The following BATF2 variants were observed in gnomAD, a reference collection of about 807,000 sequenced individuals.
The protein encoded by BATF2 is basic leucine zipper ATF-like transcription factor 2, also known as basic leucine zipper transcriptional factor ATF-like 2.
Under a neutral mutation model 7.3 loss-of-function variants are expected in BATF2, and 4 were observed. That is an observed-to-expected ratio of 0.55 (90% CI 0.27 to 1.26). The LOEUF (loss-of-function observed/expected upper bound fraction) is 1.26. Among genes scored for constraint, BATF2 ranks in the 50% most tolerant of loss-of-function variants. BATF2 has a pLI of 0.11. For synonymous variants in BATF2, 152 were observed against 153.9 expected, an observed-to-expected ratio of 0.99 and a Z score of 0.09; for missense variants, 295 against 340.5, an observed-to-expected ratio of 0.87 and a Z score of 1.05.
At chr11:64,990,427 T>C in intron 2 of BATF2, 1 of 1,344,514 alleles carries the variant, frequency 7.4e-7, no homozygotes, top group South Asian at 1.6e-5. Context: ...CTAGATTGCT[T>C]ATTGCCACTG....
chr11:64,990,675 C>T, intron 2 of BATF2: 3 of 932,392 alleles, frequency 3.2e-6, no homozygotes, highest in Non-Finnish European at 3.8e-6. Context: ...ATATCCACAT[C>T]TCACAGGGCT....
At position 64,994,429 on chromosome 11, in the gene BATF2, G is replaced by A. The variant is rs756236072; in HGVS notation, c.141+19C>T. On this transcript the variant is annotated intron_variant, in intron 2 of 2. Coordinates refer to ENST00000301887, the MANE Select transcript of BATF2 (RefSeq NM_138456.4). The stretch of plus-strand genomic sequence containing the variant: ...AAGTGGAGCCAGAGACAAGGAAAGG[G>A]GTTAGGGGTTGTCCACACCTGGTGC... 6 of 1,559,254 alleles carry A rather than the reference G, an allele frequency of 3.8e-6. No homozygotes were observed. Among genetic ancestry groups the A allele is most frequent in the South Asian group, 2.4e-5 (2 of 84,684 alleles).
chr11:64,990,264 CCTT>C (rs1432175525), intron 2 of BATF2: 1 of 1,524,736 alleles, frequency 6.6e-7, no homozygotes, highest in African/African-American at 1.4e-5. Flanking sequence ...CTCTCTCTCG[CCTT>C]CTTTCTTGCT....
At position 64,988,083 on chromosome 11, in the gene BATF2, C is replaced by G. The variant is rs149972582; in HGVS notation, c.*1046G>C. ...GTGAAGAGCCAGGGTTTCTCTCCCC[C>G]ACCCGCCTCAGAGTGCTTGTCCTGG... On this transcript the variant is annotated 3_prime_UTR_variant, in exon 3 of 3. Coordinates refer to ENST00000301887, the MANE Select transcript of BATF2 (RefSeq NM_138456.4). 1.3e-5 allele frequency: 2 copies of G among 152,196 alleles called. No homozygotes were observed. Among genetic ancestry groups the G allele is most frequent in the African/African-American group, 4.8e-5 (2 of 41,428 alleles). 9.4% of individuals were successfully genotyped at this position (152,196 alleles called of 1,614,324 possible). A position where few individuals can be genotyped will look rare whatever the true frequency, so the allele number is the denominator to read the frequency against.
At chr11:64,996,247 C>T (rs1946109241) in intron 1 of BATF2, among the ~76,000 whole-genome samples, 1 of 150,306 alleles carries the variant, frequency 6.7e-6, no homozygotes, top group South Asian at 2.1e-4. Context: ...AGGTGTGAGC[C>T]ACTGAGCCCG....
chr11:64,995,251 C>T (rs138700343), intron 1 of BATF2, among the ~76,000 whole-genome samples: 16 of 152,304 alleles, frequency 1.1e-4, no homozygotes, highest in African/African-American at 2.2e-4. Flanking sequence ...AGCCCAGAGC[C>T]GGCGTGCCAT....
At position 64,988,101 on chromosome 11, in the gene BATF2, T is replaced by C. The variant is rs1261301947; in HGVS notation, c.*1028A>G. ...TCTCCCCCACCCGCCTCAGAGTGCT[T>C]GTCCTGGAATCAGAGTGTAAAACCC... On this transcript the variant is annotated 3_prime_UTR_variant, in exon 3 of 3. Transcript: ENST00000301887. The C allele has an allele frequency of 6.6e-6, 1 of 152,140 alleles. No homozygotes were observed. Among genetic ancestry groups the C allele is most frequent in the Non-Finnish European group, 1.5e-5 (1 of 68,046 alleles). 9.4% of individuals were successfully genotyped at this position (152,140 alleles called of 1,614,324 possible). A position where few individuals can be genotyped will look rare whatever the true frequency, so the allele number is the denominator to read the frequency against.
intron 1 of BATF2, among the ~76,000 whole-genome samples, chr11:64,996,191 C>G (rs1946108559): frequency 6.6e-6 from 1 of 151,772 alleles, no homozygotes; most frequent in Middle Eastern, 3.2e-3. Flanking sequence ...GATCTCCTGA[C>G]CTCAGGTGAT....
Position 64,989,899 on chromosome 11 carries a change from C to T in BATF2, c.142-87G>A, listed in dbSNP as rs1946061216. On this transcript the variant is annotated intron_variant, in intron 2 of 2. Coordinates refer to ENST00000301887, the MANE Select transcript of BATF2 (RefSeq NM_138456.4). This position sits in a 1 kb window ranked among gnomAD's most constrained non-coding sequence, Gnocchi z 4.3. ...CCTTAGCCCCTTCCAGGGTCCTCAA[C>T]TTCAGGAGAAAGATGCCACCACCAT... 3 of 1,499,992 alleles carry T rather than the reference C, an allele frequency of 2.0e-6. No individual in the cohort carries two copies. Among genetic ancestry groups the T allele is most frequent in the Non-Finnish European group, 2.7e-6 (3 of 1,098,608 alleles). 92.9% of individuals were successfully genotyped at this position (1,499,992 alleles called of 1,614,324 possible).
rs1946057466 is a variant in BATF2, at chr11:64,989,662, C to G, written c.292G>C (p.Gly98Arg). ...CASCSAPGLL[G>R]CWDQAEGLLG... ...AGCCCCTCAGCCTGGTCCCAGCAGC[C>G]CAGGAGCCCTGGAGCTGAGCAGGAG... Residue 98 changes from glycine to arginine, a missense_variant, in exon 3 of 3, where the codon GGC becomes CGC. Physicochemically the swap from Gly to Arg is moderately radical, Grantham distance 125 (BLOSUM62 -2). Transcript: ENST00000301887. The surrounding 1 kb of genome is among the most constrained non-coding windows in gnomAD (Gnocchi z 4.3). 3.1e-6 allele frequency: 5 copies of G among 1,613,478 alleles called. No individual in the cohort carries two copies. The highest frequency in any genetic ancestry group is 1.7e-5 in the Admixed American group (1 of 59,956).
At position 64,989,700 on chromosome 11, in the gene BATF2, G is replaced by C. The variant is rs1249205933; in HGVS notation, c.254C>G (p.Pro85Arg). The C allele has an allele frequency of 6.2e-7, 1 of 1,613,920 alleles. No homozygotes were observed. Among genetic ancestry groups the C allele is most frequent in the East Asian group, 2.2e-5 (1 of 44,876 alleles). Residue 85 changes from proline to arginine, a missense_variant, in exon 3 of 3, where the codon CCC becomes CGC. Pro to Arg is a moderately radical substitution (Grantham distance 103). Transcript: ENST00000301887. The surrounding 1 kb of genome is among the most constrained non-coding windows in gnomAD (Gnocchi z 4.3). The stretch of plus-strand genomic sequence containing the variant: ...AGCTGAGCAGGAGGCACAATCCATG[G>C]GGCACAGGCGCTCATGCACGTGCAG... ...RTLHVHERLC[P>R]MDCASCSAPG...
chr11:64,989,578 T>C lies in BATF2; in HGVS notation c.376A>G (p.Thr126Ala), dbSNP rs750585824. 6.3e-7 allele frequency: 1 copy of C among 1,593,276 alleles called. No individual in the cohort carries two copies. The highest frequency in any genetic ancestry group is 8.5e-7 in the Non-Finnish European group (1 of 1,170,734). The change falls in exon 3 of 3, where the codon ACC (threonine) becomes GCC (alanine). Residue 126 changes from threonine (T) to alanine (A), a missense_variant. Transcript: ENST00000301887. The surrounding 1 kb of genome is among the most constrained non-coding windows in gnomAD (Gnocchi z 4.3). The stretch of plus-strand genomic sequence containing the variant: ...TGAGCTGGGTAACAGGAACCCGGGG[T>C]CTGGAACAGCTCCAGCTGCTCCCGG... ...GCREQLELFQ[T>A]PGSCYPAQPL...
chr11:64,989,847 C>T lies in BATF2; in HGVS notation c.142-35G>A. The stretch of plus-strand genomic sequence containing the variant: ...AGCAGATGGGCGGGGAGGGGAACCT[C>T]AGCCAGTGTCAGGGGCCCCGCATGA... On this transcript the variant is annotated intron_variant, in intron 2 of 2. Transcript: ENST00000301887. This position sits in a 1 kb window ranked among gnomAD's most constrained non-coding sequence, Gnocchi z 4.3. 1 of 1,608,768 alleles carries T rather than the reference C, an allele frequency of 6.2e-7. No individual in the cohort carries two copies. The highest frequency in any genetic ancestry group is 1.3e-5 in the African/African-American group (1 of 74,948).
chr11:64,996,598 G>A (rs540337009), intron 1 of BATF2, among the ~76,000 whole-genome samples: 9 of 152,340 alleles, frequency 5.9e-5, no homozygotes, highest in African/African-American at 2.2e-4. Context: ...AGTGAGGGGG[G>A]ACCAGGTACG....
chr11:64,992,189 T>C (rs1185746424), intron 2 of BATF2, among the ~76,000 whole-genome samples: 1 of 152,130 alleles, frequency 6.6e-6, no homozygotes, highest in Non-Finnish European at 1.5e-5. Flanking sequence ...ATCCCTGTAA[T>C]CCCAGCTACT....
intron 1 of BATF2, 27 bp from the exon 2 acceptor site, chr11:64,994,576 G>T (rs769740057): frequency 8.3e-6 from 13 of 1,571,208 alleles, no homozygotes; most frequent in East Asian, 4.7e-5. Context: ...AGAGGACTCA[G>T]GGGGCCCAGC....
At chr11:64,990,071 C>T in intron 2 of BATF2, 3 of 1,536,420 alleles carry the variant, frequency 2.0e-6, no homozygotes, top group Non-Finnish European at 2.6e-6. Flanking sequence ...TGCCATTTCT[C>T]ACCTGGGATA....
At chr11:64,996,789 T>C in intron 1 of BATF2, 87 bp downstream of exon 1, 1 of 1,529,382 alleles carries the variant, frequency 6.5e-7, no homozygotes, top group Non-Finnish European at 9.0e-7. Flanking sequence ...GACTAGGAGC[T>C]CCCGACTGCA....
chr11:64,994,585 G>A (rs773850069), intron 1 of BATF2, 36 bp from the exon 2 acceptor site: 1 of 1,555,242 alleles, frequency 6.4e-7, no homozygotes. Context: ...AGGGGGCCCA[G>A]CCAGGCCTTG....
Sources: allele counts gnomAD v4.1 joint callset (sites outside exome capture counted in the v4.1 genomes callset), GRCh38; gene constraint gnomAD v4.1.1; non-coding constraint Gnocchi (gnomAD v3.1); transcripts MANE v1.5; gene names NCBI Gene and HGNC (gene_info 2026-07-23, HGNC 2026-07-21).